CDK14: variants seen among roughly 807,000 people sequenced by gnomAD.
The protein encoded by CDK14 is cyclin dependent kinase 14.
Under a neutral mutation model 60.7 loss-of-function variants are expected in CDK14, and 34 were observed. That is an observed-to-expected ratio of 0.56 (90% CI 0.43 to 0.75). The LOEUF (loss-of-function observed/expected upper bound fraction) is 0.75, where lower values mean the gene tolerates loss of function less well. CDK14 is among the 30% of genes least tolerant of loss of function. The pLI is 0.00. For synonymous variants in CDK14, 197 were observed against 203.7 expected (o/e 0.97, Z 0.28); for missense variants, 482 against 564.1 (o/e 0.85, Z 1.47).
At chr7:90,695,957 T>TA (rs1369307777) in intron 2 of CDK14, among the ~76,000 whole-genome samples, 1 of 152,008 alleles carries the variant, frequency 6.6e-6, no homozygotes, top group Non-Finnish European at 1.5e-5. Flanking sequence ...TGGTGATAAT[T>TA]AAAAAAACCC....
intron 10 of CDK14, among the ~76,000 whole-genome samples, chr7:91,009,552 A>G (rs1796091042): frequency 6.6e-6 from 1 of 152,106 alleles, no homozygotes; most frequent in Admixed American, 6.6e-5. Context: ...GTATGAACTA[A>G]TATTCCATAG....
chr7:91,022,784 G>T (rs1015980132), intron 10 of CDK14, among the ~76,000 whole-genome samples: 2 of 152,084 alleles, frequency 1.3e-5, no homozygotes, highest in African/African-American at 4.8e-5. Flanking sequence ...TGACCAGAAT[G>T]AATCTGCTTT....
chr7:90,899,650 A>G (rs558734494), intron 7 of CDK14, among the ~76,000 whole-genome samples: 1 of 152,236 alleles, frequency 6.6e-6, no homozygotes, highest in African/African-American at 2.4e-5. Context: ...ACTTCACAGT[A>G]GAGGGGAGTC....
At position 90,668,696 on chromosome 7, in the gene CDK14, A is replaced by ATTATTTT. The variant is rs1554431005; in HGVS notation, c.124-57869_124-57868insATTTTTT. Among the ~76,000 whole-genome samples the ATTATTTT allele has an allele frequency of 1.0e-3, 70 of 68,424 alleles. 1 individual carries two copies. Among genetic ancestry groups the ATTATTTT allele is most frequent in the South Asian group, 3.5e-3 (7 of 1,982 alleles). The allele number at this position is 68,424 out of a possible 152,430, so 44.9% of individuals were successfully genotyped here. On this transcript the variant is annotated intron_variant, in intron 2 of 14. Transcript: ENST00000380050. ...TTATATGGTGTAAGGAAGGACTCGC[A>ATTATTTT]TTCTTTTTTTTTTTTTTTTTTTTTT...
chr7:90,656,729 C>T (rs755518763), intron 2 of CDK14, among the ~76,000 whole-genome samples: 4 of 152,144 alleles, frequency 2.6e-5, no homozygotes, highest in Non-Finnish European at 5.9e-5. Flanking sequence ...GTTGTGCCCA[C>T]TTAATGGAAG....
intron 11 of CDK14, among the ~76,000 whole-genome samples, chr7:91,067,491 T>C (rs1798014074): frequency 1.3e-5 from 2 of 152,194 alleles, no homozygotes; most frequent in Admixed American, 6.5e-5. Context: ...TAGTCTCTAG[T>C]GGGGACTCTG....
intron 5 of CDK14, among the ~76,000 whole-genome samples, chr7:90,855,899 A>G (rs1449169933): frequency 6.6e-6 from 1 of 152,182 alleles, no homozygotes; most frequent in East Asian, 1.9e-4. Context: ...TGACAGATAA[A>G]TAGGTATCGA....
chr7:91,011,321 G>A (rs1371409390), intron 10 of CDK14, among the ~76,000 whole-genome samples: 1 of 152,096 alleles, frequency 6.6e-6, no homozygotes, highest in African/African-American at 2.4e-5. Context: ...AGGGTTAAGT[G>A]TCCATTCTGT....
At chr7:91,106,432 C>CA (rs1262814478) in intron 12 of CDK14, among the ~76,000 whole-genome samples, 1 of 151,468 alleles carries the variant, frequency 6.6e-6, no homozygotes, top group African/African-American at 2.4e-5. Flanking sequence ...ATTTCTGGCA[C>CA]AAAAAAATAA....
chr7:90,892,363 T>C (rs1792162800), intron 6 of CDK14, among the ~76,000 whole-genome samples: 1 of 152,242 alleles, frequency 6.6e-6, no homozygotes, highest in East Asian at 1.9e-4. Flanking sequence ...TTTTCTTCTG[T>C]GTCTTTCATT....
intron 8 of CDK14, among the ~76,000 whole-genome samples, chr7:90,922,934 C>T (rs961807103): frequency 3.3e-5 from 5 of 151,942 alleles, no homozygotes; most frequent in African/African-American, 1.2e-4. Flanking sequence ...ATATGCACAG[C>T]CTCCCCCACT....
intron 5 of CDK14, among the ~76,000 whole-genome samples, chr7:90,860,775 G>A (rs545262355): frequency 1.7e-4 from 26 of 152,016 alleles, no homozygotes; most frequent in South Asian, 4.2e-4. Context: ...CACCCCGCTC[G>A]GCCTCCCAAA....
At chr7:91,143,134 G>C (rs1584121231) in intron 14 of CDK14, among the ~76,000 whole-genome samples, 1 of 152,318 alleles carries the variant, frequency 6.6e-6, no homozygotes, top group Middle Eastern at 3.4e-3. Context: ...TGAAGACTAG[G>C]TGGGATATTT....
chr7:90,941,629 T>A (rs747172589), intron 8 of CDK14, among the ~76,000 whole-genome samples: 2 of 109,016 alleles, frequency 1.8e-5, no homozygotes, highest in Non-Finnish European at 4.6e-5. Context: ...TTTTTTTTAA[T>A]TTTTTGTAGA....
At chr7:90,906,664 A>T (rs151310890) in intron 7 of CDK14, among the ~76,000 whole-genome samples, 179 of 152,170 alleles carry the variant, frequency 1.2e-3, no homozygotes, top group African/African-American at 3.9e-3. Flanking sequence ...AAAAATGTGG[A>T]TATCCTGCAC....
chr7:90,890,378 A>ATAGG (rs537831000), intron 6 of CDK14, among the ~76,000 whole-genome samples: 11 of 152,178 alleles, frequency 7.2e-5, no homozygotes, highest in Non-Finnish European at 1.5e-4. Context: ...GTCTCAATAG[A>ATAGG]TAGGTAGGTA....
chr7:90,749,463 A>G (rs1803731224), intron 4 of CDK14, among the ~76,000 whole-genome samples: 1 of 151,496 alleles, frequency 6.6e-6, no homozygotes. Flanking sequence ...GCACCTGCTC[A>G]CTTTGTTCAG....
intron 5 of CDK14, among the ~76,000 whole-genome samples, chr7:90,826,543 G>T (rs1174454793): frequency 6.6e-6 from 1 of 152,124 alleles, no homozygotes; most frequent in Non-Finnish European, 1.5e-5. Flanking sequence ...AAAGAACTCA[G>T]TATCCCTGGC....
chr7:90,955,841 AGC>A, intron 9 of CDK14, 24 bp downstream of exon 9: 3 of 1,611,198 alleles, frequency 1.9e-6, no homozygotes, highest in Non-Finnish European at 2.5e-6. Flanking sequence ...GCTTTACTCT[AGC>A]TAATCTATCT....
Sources: allele counts gnomAD v4.1 joint callset (sites outside exome capture counted in the v4.1 genomes callset), GRCh38; gene constraint gnomAD v4.1.1; transcripts MANE v1.5; gene names NCBI Gene and HGNC (gene_info 2026-07-23, HGNC 2026-07-21).